Variants in ZFP2 observed in about 807,000 individuals in gnomAD.
ZFP2 encodes the protein ZFP2 zinc finger protein.
In ZFP2, 33 loss-of-function variants were observed where a neutral mutation model predicts 36.1. The observed-to-expected ratio is 0.92, with a 90% CI of 0.69 to 1.22. The LOEUF (loss-of-function observed/expected upper bound fraction) is 1.22, where lower values mean the gene tolerates loss of function less well. ZFP2 is among the 50% of genes most tolerant of loss of function. The probability of loss-of-function intolerance (pLI) is 0.00; values close to 1 mark genes in which losing one functional copy is unlikely to be tolerated. For synonymous variants in ZFP2, 170 were observed against 178.0 expected (o/e 0.96, Z 0.36); for missense variants, 522 against 551.4 (o/e 0.95, Z 0.53).
At position 178,932,020 on chromosome 5, in the gene ZFP2, A is replaced by C. The variant is rs754368886; in HGVS notation, c.707A>C (p.His236Pro). The change falls in exon 5 of 5, where the codon CAT becomes CCT. Residue 236 changes from histidine (H) to proline (P), a missense_variant. By Grantham distance (77) the His-to-Pro change is moderately conservative. Transcript: ENST00000361362. ...AATTTGACAGTTCATCAGAGAACTC[A>C]TACAGGAGAAAAACCCTATGAATGT... ...SMNLTVHQRT[H>P]TGEKPYECNE... The C allele has an allele frequency of 6.2e-7, 1 of 1,614,022 alleles. No homozygotes were observed. Among genetic ancestry groups the C allele is most frequent in the South Asian group, 1.1e-5 (1 of 91,032 alleles).
At chr5:178,922,218 C>T in intron 4 of ZFP2, 1 of 1,085,294 alleles carries the variant, frequency 9.2e-7, no homozygotes, top group South Asian at 1.2e-5. Flanking sequence ...GGTTTTGTAA[C>T]TGCTGTCAGT....
intron 1 of ZFP2, chr5:178,910,480 T>TA: frequency 1.5e-6 from 1 of 665,342 alleles, no homozygotes. Context: ...TGCCACAGGG[T>TA]GGTACTTGCT....
At chr5:178,906,564 A>T (rs79605374) in intron 1 of ZFP2, among the ~76,000 whole-genome samples, 31 of 143,092 alleles carry the variant, frequency 2.2e-4, no homozygotes, top group African/African-American at 1.9e-4. Flanking sequence ...TTATTTATTT[A>T]TTTTTTTTTG....
chr5:178,915,111 G>T (rs766278929), intron 3 of ZFP2, among the ~76,000 whole-genome samples: 1 of 151,966 alleles, frequency 6.6e-6, no homozygotes, highest in African/African-American at 2.4e-5. Context: ...CATTGTTTTT[G>T]TTTCTGGTTT....
intron 4 of ZFP2, among the ~76,000 whole-genome samples, chr5:178,924,246 A>G (rs1310709804): frequency 2.0e-5 from 3 of 147,452 alleles, no homozygotes; most frequent in African/African-American, 4.9e-5. Flanking sequence ...GGTGGCGGGC[A>G]CCTATAGTCC....
intron 4 of ZFP2, among the ~76,000 whole-genome samples, chr5:178,918,406 G>T (rs1213115407): frequency 6.6e-6 from 1 of 152,180 alleles, no homozygotes; most frequent in Non-Finnish European, 1.5e-5. Context: ...TATAAAAGGA[G>T]AAAATAAATA....
chr5:178,925,510 A>G, intron 4 of ZFP2, among the ~76,000 whole-genome samples: 1 of 149,626 alleles, frequency 6.7e-6, no homozygotes, highest in Non-Finnish European at 1.5e-5. Context: ...GATTTCCACC[A>G]GGAGTATGTG....
intron 1 of ZFP2, among the ~76,000 whole-genome samples, chr5:178,908,403 C>T (rs1302895065): frequency 5.3e-5 from 8 of 150,816 alleles, no homozygotes; most frequent in South Asian, 2.1e-4. Context: ...GCCGAGATTG[C>T]GCCACTGCAC....
intron 4 of ZFP2, among the ~76,000 whole-genome samples, chr5:178,918,291 T>C (rs1012863273): frequency 1.3e-5 from 2 of 152,172 alleles, no homozygotes; most frequent in Non-Finnish European, 2.9e-5. Flanking sequence ...AGAGAATGCA[T>C]TGTAGGGTAG....
At position 178,932,074 on chromosome 5, in the gene ZFP2, G is replaced by T; in HGVS notation, c.761G>T (p.Ser254Ile). 6.2e-7 allele frequency: 1 copy of T among 1,614,040 alleles called. No individual in the cohort carries two copies. Among genetic ancestry groups the T allele is most frequent in the Non-Finnish European group, 8.5e-7 (1 of 1,180,004 alleles). The stretch of plus-strand genomic sequence containing the variant: ...GAATGTGGAAAAGCCTTCAGTCAAA[G>T]CATGCATCTTATTGTACATCAGAGA... ...CNECGKAFSQSMHLIVHQRSH... is the reference protein window; with the variant it reads ...CNECGKAFSQIMHLIVHQRSH... The change falls in exon 5 of 5, where the codon AGC becomes ATC. Residue 254 changes from serine (S) to isoleucine (I), a missense_variant. Ser to Ile is a moderately radical substitution (Grantham distance 142). Coordinates refer to ENST00000361362, the MANE Select transcript of ZFP2 (RefSeq NM_030613.4).
chr5:178,901,645 G>A (rs546698442), intron 1 of ZFP2, among the ~76,000 whole-genome samples: 5 of 152,254 alleles, frequency 3.3e-5, no homozygotes, highest in African/African-American at 1.2e-4. Context: ...GAGACAACCT[G>A]TTTTCAGATG....
intron 4 of ZFP2, among the ~76,000 whole-genome samples, chr5:178,924,926 T>C (rs982512940): frequency 1.3e-5 from 2 of 148,234 alleles, no homozygotes; most frequent in Non-Finnish European, 3.0e-5. Flanking sequence ...GCTAGTGCCA[T>C]GGAAATGCTT....
intron 1 of ZFP2, among the ~76,000 whole-genome samples, chr5:178,906,495 G>A (rs529854570): frequency 9.9e-5 from 15 of 151,870 alleles, no homozygotes; most frequent in Non-Finnish European, 2.1e-4. Context: ...TCTGTTTTAC[G>A]TATATCTTTT....
intron 1 of ZFP2, among the ~76,000 whole-genome samples, chr5:178,903,480 CT>C (rs1359777613): frequency 6.6e-6 from 1 of 152,162 alleles, no homozygotes; most frequent in African/African-American, 2.4e-5. Context: ...TGTCTACACC[CT>C]TTGCCCATTT....
At chr5:178,925,674 T>G (rs1758655103) in intron 4 of ZFP2, among the ~76,000 whole-genome samples, 1 of 149,206 alleles carries the variant, frequency 6.7e-6, no homozygotes, top group African/African-American at 2.4e-5. Flanking sequence ...TGCTTACGTT[T>G]GCAGACCATT....
intron 1 of ZFP2, among the ~76,000 whole-genome samples, chr5:178,903,197 C>T (rs1758094563): frequency 6.6e-6 from 1 of 152,194 alleles, no homozygotes; most frequent in Non-Finnish European, 1.5e-5. Flanking sequence ...AGACTTGGGA[C>T]ATATCAATGC....
chr5:178,908,642 A>G (rs1758223789), intron 1 of ZFP2, among the ~76,000 whole-genome samples: 1 of 150,168 alleles, frequency 6.7e-6, no homozygotes, highest in Non-Finnish European at 1.5e-5. Context: ...AAAAAAACCT[A>G]ATTTGTGCAA....
At chr5:178,921,367 C>CAACATTTTTCTTTCTTCTTTTGGTCT (rs1554106974) in intron 4 of ZFP2, among the ~76,000 whole-genome samples, 3 of 150,668 alleles carry the variant, frequency 2.0e-5, no homozygotes, top group Non-Finnish European at 3.0e-5. Flanking sequence ...GTGACCATCC[C>CAACATTTTTCTTTCTTCTTTTGGTCT]TATGTAGAGC....
chr5:178,917,354 C>T (rs1357724527), intron 4 of ZFP2, among the ~76,000 whole-genome samples: 4 of 152,108 alleles, frequency 2.6e-5, no homozygotes, highest in African/African-American at 9.7e-5. Flanking sequence ...GTGGCTCACA[C>T]CTGTAATCCC....
Sources: allele counts gnomAD v4.1 joint callset (sites outside exome capture counted in the v4.1 genomes callset), GRCh38; gene constraint gnomAD v4.1.1; transcripts MANE v1.5; gene names NCBI Gene and HGNC (gene_info 2026-07-23, HGNC 2026-07-21).